Variants in ARRB1 observed in about 807,000 individuals in gnomAD.
ARRB1 encodes beta-arrestin-1.
A neutral mutation model predicts 56.8 loss-of-function variants in ARRB1; 21 were observed. The ratio of observed to expected loss-of-function variants is 0.37; its 90% confidence interval spans 0.26 to 0.53. The LOEUF is 0.53. ARRB1 is among the 20% of genes least tolerant of loss of function. The pLI, the probability that ARRB1 is intolerant of heterozygous loss-of-function variation, is 0.88. For synonymous variants in ARRB1, 210 were observed against 218.6 expected, an observed-to-expected ratio of 0.96 and a Z score of 0.35; for missense variants, 424 against 553.7, an observed-to-expected ratio of 0.77 and a Z score of 2.35.
intron 1 of ARRB1, among the ~76,000 whole-genome samples, chr11:75,300,301 C>T (rs1202760964): frequency 6.6e-6 from 1 of 151,822 alleles, no homozygotes; most frequent in Admixed American, 6.6e-5. Flanking sequence ...AAGTGAGTTA[C>T]AAATATTAAC....
intron 2 of ARRB1, among the ~76,000 whole-genome samples, chr11:75,287,641 G>A (rs1028016361): frequency 2.0e-5 from 3 of 152,228 alleles, no homozygotes; most frequent in Non-Finnish European, 4.4e-5. Flanking sequence ...ACTGAGGCCC[G>A]GAGAGATCTT....
At chr11:75,315,215 C>T (rs566737155) in intron 1 of ARRB1, among the ~76,000 whole-genome samples, 1 of 152,244 alleles carries the variant, frequency 6.6e-6, no homozygotes, top group African/African-American at 2.4e-5. Context: ...AGTGCTCGGC[C>T]TCCTCCCAGT....
At chr11:75,290,897 G>A (rs149824519) in intron 1 of ARRB1, among the ~76,000 whole-genome samples, 57 of 152,122 alleles carry the variant, frequency 3.7e-4, no homozygotes, top group African/African-American at 1.3e-3. Context: ...GAGCCACCAC[G>A]CCCAACCAAC....
intron 1 of ARRB1, among the ~76,000 whole-genome samples, chr11:75,333,873 G>A (rs1947559055): frequency 6.6e-6 from 1 of 152,168 alleles, no homozygotes; most frequent in African/African-American, 2.4e-5. Flanking sequence ...ACTCTGCAGA[G>A]GGATGCACCG....
intron 1 of ARRB1, among the ~76,000 whole-genome samples, chr11:75,341,798 G>A (rs1947696599): frequency 6.6e-6 from 1 of 152,236 alleles, no homozygotes. Flanking sequence ...ACAGGACCAA[G>A]GCTCAAGGGC....
In ARRB1 at chr11:75,283,367, CG is replaced by C; in HGVS notation, c.273del (p.Glu92ArgfsTer6). 1 of 1,614,132 alleles carries C rather than the reference CG, an allele frequency of 6.2e-7. No homozygotes were observed. On this transcript the variant is annotated frameshift_variant, in exon 5 of 16. Coordinates refer to ENST00000420843, the MANE Select transcript of ARRB1 (RefSeq NM_004041.5). LOFTEE classifies it high-confidence loss of function. ...AGCCGCGTCAGGGGCTTCTTGTCCT[CG>C]GGGGCCGGTGGGAACGACTGTACGT... ...VANVQSFPPA[P>X]EDKKPLTRLQ...
chr11:75,331,829 C>A (rs777442913), intron 1 of ARRB1, among the ~76,000 whole-genome samples: 1 of 151,924 alleles, frequency 6.6e-6, no homozygotes, highest in Non-Finnish European at 1.5e-5. Flanking sequence ...CCCTACATGT[C>A]GTGACTTACT....
rs1391467797 is a variant in ARRB1 at position 75,263,797 on chromosome 11, TAAATA to T, written c.*2361_*2365del. Among the ~76,000 whole-genome samples, 1 of 151,312 alleles carries T rather than the reference TAAATA, an allele frequency of 6.6e-6. No individual in the cohort carries two copies. Among genetic ancestry groups the T allele is most frequent in the African/African-American group, 2.4e-5 (1 of 41,164 alleles). On this transcript the variant is annotated 3_prime_UTR_variant, in exon 16 of 16. Transcript: ENST00000420843. ...CTTCCCTGCAGCTGGAGAAATTTGCTAAATAACACTGGGCTAAACCCAAAAGGGTG... is the reference window on the plus strand; with the variant it reads ...CTTCCCTGCAGCTGGAGAAATTTGCTACACTGGGCTAAACCCAAAAGGGTG...
chr11:75,288,736 C>T (rs1052299026), intron 2 of ARRB1, among the ~76,000 whole-genome samples: 1 of 152,082 alleles, frequency 6.6e-6, no homozygotes, highest in Non-Finnish European at 1.5e-5. Flanking sequence ...ACACCTCAGC[C>T]TCCCAAATAG....
chr11:75,286,265 T>C, intron 3 of ARRB1, among the ~76,000 whole-genome samples: 1 of 125,900 alleles, frequency 7.9e-6, no homozygotes, highest in East Asian at 2.3e-4. Flanking sequence ...CTTTTTTTTT[T>C]TTTTTTTTTT....
At chr11:75,317,623 C>A (rs1189261412) in intron 1 of ARRB1, among the ~76,000 whole-genome samples, 1 of 152,180 alleles carries the variant, frequency 6.6e-6, no homozygotes, top group Non-Finnish European at 1.5e-5. Context: ...GACCATAAGC[C>A]CCATTAAGCC....
At chr11:75,290,306 T>C (rs527431614) in intron 1 of ARRB1, among the ~76,000 whole-genome samples, 2 of 152,166 alleles carry the variant, frequency 1.3e-5, no homozygotes, top group Admixed American at 6.5e-5. Context: ...AGTCTCCAAG[T>C]GCAAGTTTTC....
chr11:75,281,315 A>G (rs1048191253), intron 6 of ARRB1, among the ~76,000 whole-genome samples, 173 bp from the exon 7 acceptor site: 6 of 152,200 alleles, frequency 3.9e-5, no homozygotes, highest in Admixed American at 2.0e-4. Flanking sequence ...CTCAGCCCCA[A>G]TGCTGTGCTG....
chr11:75,334,175 CA>C (rs1247510436), intron 1 of ARRB1, among the ~76,000 whole-genome samples: 1 of 152,114 alleles, frequency 6.6e-6, no homozygotes, highest in Non-Finnish European at 1.5e-5. Flanking sequence ...ACTAAAAATA[CA>C]AAAATTAGCT....
intron 1 of ARRB1, among the ~76,000 whole-genome samples, chr11:75,330,418 G>C (rs748956602): frequency 7.9e-5 from 12 of 152,128 alleles, no homozygotes; most frequent in Admixed American, 1.3e-4. Flanking sequence ...TGTTCCAAAG[G>C]CTGCAGGAAA....
intron 1 of ARRB1, among the ~76,000 whole-genome samples, chr11:75,330,607 G>C (rs903703792): frequency 3.9e-5 from 6 of 152,230 alleles, no homozygotes; most frequent in Non-Finnish European, 5.9e-5. Flanking sequence ...GTGAGGCCAA[G>C]AGAAAGGGTC....
intron 1 of ARRB1, among the ~76,000 whole-genome samples, chr11:75,321,038 T>G (rs1353099465): frequency 2.6e-5 from 4 of 152,164 alleles, no homozygotes; most frequent in Non-Finnish European, 2.9e-5. Context: ...TAGTGGGGGC[T>G]AAGAGGCTCC....
intron 1 of ARRB1, among the ~76,000 whole-genome samples, chr11:75,328,832 C>T (rs1947478128): frequency 6.6e-6 from 1 of 152,212 alleles, no homozygotes; most frequent in South Asian, 2.1e-4. Flanking sequence ...CTCCTGCCCT[C>T]CCTGGATCCC....
intron 1 of ARRB1, among the ~76,000 whole-genome samples, chr11:75,297,864 CAA>C (rs34831668): frequency 3.4e-5 from 1 of 29,268 alleles, no homozygotes; most frequent in Non-Finnish European, 5.1e-5. Flanking sequence ...GACTTTGTCT[CAA>C]AAAAAAAAAA....
Sources: gnomAD v4.1 joint callset for allele counts (sites outside exome capture counted in the v4.1 genomes callset) on GRCh38, gnomAD v4.1.1 for gene constraint, MANE v1.5 for transcripts, NCBI Gene and HGNC (gene_info 2026-07-23, HGNC 2026-07-21) for gene names.